ABCG4: variants seen among roughly 807,000 people sequenced by gnomAD.
The protein encoded by ABCG4 is ATP binding cassette subfamily G member 4.
Under a neutral mutation model 64.6 loss-of-function variants are expected in ABCG4, and 35 were observed. The observed-to-expected ratio is 0.54, with a 90% confidence interval of 0.41 to 0.72. The LOEUF (loss-of-function observed/expected upper bound fraction) is 0.72. ABCG4 is among the 30% of genes least tolerant of loss of function. The pLI is 0.00. For synonymous variants in ABCG4, 326 were observed against 348.2 expected, an observed-to-expected ratio of 0.94 and a Z score of 0.71; for missense variants, 610 against 846.3, an observed-to-expected ratio of 0.72 and a Z score of 3.46.
rs147243704 is a variant in ABCG4 at position 119,159,907 on chromosome 11, G to C, written c.1438-320G>C. Among the ~76,000 whole-genome samples, 91 of 152,122 alleles carry C rather than the reference G, an allele frequency of 6.0e-4. 1 individual carries two copies. The East Asian group carries it at 0.014, about 23-fold the overall frequency. On this transcript the variant is annotated intron_variant, in intron 12 of 14. Transcript: ENST00000619701. ...GGGAACAAAATGGCTCTCCTATGGAGAGTTAATTACTTAACAATATAACGA... is the reference window on the plus strand; with the variant it reads ...GGGAACAAAATGGCTCTCCTATGGACAGTTAATTACTTAACAATATAACGA...
rs1383322166 is a variant in ABCG4 at position 119,160,504 on chromosome 11, CT to C, written c.1597-33del. 11 of 1,607,528 alleles carry C rather than the reference CT, an allele frequency of 6.8e-6. No homozygotes were observed. The highest frequency in any genetic ancestry group is 1.1e-5 in the South Asian group (1 of 91,032). On this transcript the variant is annotated intron_variant, in intron 13 of 14. Transcript: ENST00000619701. The surrounding 1 kb of genome is among the most constrained non-coding windows in gnomAD (Gnocchi z 4.6). ...AAACCTGGGTTTGTCCTGGTCACCC[CT>C]ATGATGGCCTGGCCCCCTCCCTTCC... is the stretch of plus-strand genomic sequence containing the variant.
rs774866555 is a variant in ABCG4 at position 119,158,890 on chromosome 11, G to C, written c.1398G>C (p.Ala466=). 1.2e-6 allele frequency: 2 copies of C among 1,614,106 alleles called. No homozygotes were observed. Among genetic ancestry groups the C allele is most frequent in the African/African-American group, 1.3e-5 (1 of 74,930 alleles). ...TCAACTACTGGTACAGCCTCAAAGC[G>C]TATTACCTGGCCAAGACCATGGCTG... ...EHLNYWYSLK[A]YYLAKTMADV... The change falls in exon 12 of 15, where the codon GCG becomes GCC. Residue 466 remains alanine, a synonymous_variant. Coordinates refer to ENST00000619701, the MANE Select transcript of ABCG4 (RefSeq NM_022169.5). This position sits in a 1 kb window ranked among gnomAD's most constrained non-coding sequence, Gnocchi z 4.5.
chr11:119,158,784 G>A lies in ABCG4; in HGVS notation c.1337-45G>A, dbSNP rs201004594. 302 of 1,614,138 alleles carry A rather than the reference G, an allele frequency of 1.9e-4. No individual in the cohort carries two copies. Among genetic ancestry groups the A allele is most frequent in the Non-Finnish European group, 2.3e-4 (274 of 1,180,004 alleles). Reference sequence around the variant, plus strand: ...TGTGGGTGCTGGGGCTTGGGGCAGGGGCCAGGGTGTCGGCCGGGTGTGCCT... The same window carrying A: ...TGTGGGTGCTGGGGCTTGGGGCAGGAGCCAGGGTGTCGGCCGGGTGTGCCT... On this transcript the variant is annotated intron_variant, in intron 11 of 14. Transcript: ENST00000619701. This position sits in a 1 kb window ranked among gnomAD's most constrained non-coding sequence, Gnocchi z 4.5.
chr11:119,161,166 T>G lies in ABCG4; in HGVS notation c.*60T>G. The stretch of plus-strand genomic sequence containing the variant: ...CAGGAAGCCCCCAGTCCCAGCCCTT[T>G]GGGACTGTTTTAACCTTATAGACTT... On this transcript the variant is annotated 3_prime_UTR_variant, in exon 15 of 15. Coordinates refer to ENST00000619701, the MANE Select transcript of ABCG4 (RefSeq NM_022169.5). 1 of 1,512,350 alleles carries G rather than the reference T, an allele frequency of 6.6e-7. No individual in the cohort carries two copies. Among genetic ancestry groups the G allele is most frequent in the Non-Finnish European group, 9.0e-7 (1 of 1,109,154 alleles). 93.7% of individuals were successfully genotyped at this position (1,512,350 alleles called of 1,614,324 possible). A position where few individuals can be genotyped will look rare whatever the true frequency, so the allele number is the denominator to read the frequency against.
At chr11:119,159,834 G>C (rs975839783) in intron 12 of ABCG4, among the ~76,000 whole-genome samples, 1 of 152,088 alleles carries the variant, frequency 6.6e-6, no homozygotes, top group East Asian at 1.9e-4. Flanking sequence ...GTGGATGACT[G>C]TACTTAGTAA....
chr11:119,150,040 G>A lies in ABCG4; in HGVS notation c.75G>A (p.Glu25=). ...PGAVAMAVTL[E]DGAEPPVLTT... Reference sequence around the variant, plus strand: ...CTGTGGCCATGGCCGTGACGCTGGAGGACGGGGCGGAACCCCCTGTGCTGA... The same window carrying A: ...CTGTGGCCATGGCCGTGACGCTGGAAGACGGGGCGGAACCCCCTGTGCTGA... The change falls in exon 2 of 15, where the codon GAG becomes GAA. Residue 25 remains glutamate (E), a synonymous_variant. Coordinates refer to ENST00000619701, the MANE Select transcript of ABCG4 (RefSeq NM_022169.5). The surrounding 1 kb of genome is among the most constrained non-coding windows in gnomAD (Gnocchi z 4.3). 6.2e-7 allele frequency: 1 copy of A among 1,613,702 alleles called. No individual in the cohort carries two copies. The highest frequency in any genetic ancestry group is 8.5e-7 in the Non-Finnish European group (1 of 1,180,026).
chr11:119,156,732 G>T lies in ABCG4; in HGVS notation c.925+54G>T. On this transcript the variant is annotated intron_variant, in intron 8 of 14. Transcript: ENST00000619701. The surrounding 1 kb of genome is among the most constrained non-coding windows in gnomAD (Gnocchi z 5.5). ...GGAAACAGCAGTGGGCCGAACCTGGGGTCTCTGGTCTTGCACTCAGGCCTC... is the reference window on the plus strand; with the variant it reads ...GGAAACAGCAGTGGGCCGAACCTGGTGTCTCTGGTCTTGCACTCAGGCCTC... 1 of 1,603,234 alleles carries T rather than the reference G, an allele frequency of 6.2e-7. No individual in the cohort carries two copies. Among genetic ancestry groups the T allele is most frequent in the Admixed American group, 1.7e-5 (1 of 59,956 alleles).
chr11:119,155,018 G>T lies in ABCG4; in HGVS notation c.686+103G>T. The T allele has an allele frequency of 6.8e-7, 1 of 1,461,808 alleles. No homozygotes were observed. Among genetic ancestry groups the T allele is most frequent in the Admixed American group, 2.2e-5 (1 of 45,714 alleles). The allele number at this position is 1,461,808 out of a possible 1,614,324, so 90.6% of individuals were successfully genotyped here. ...CCATGATCCAGAGCCTCTGTTCACA[G>T]CCTCCTGGGGCCAAGATAAGGGCTT... On this transcript the variant is annotated intron_variant, in intron 6 of 14. Coordinates refer to ENST00000619701, the MANE Select transcript of ABCG4 (RefSeq NM_022169.5). The surrounding 1 kb of genome is among the most constrained non-coding windows in gnomAD (Gnocchi z 4.5).
intron 12 of ABCG4, among the ~76,000 whole-genome samples, chr11:119,159,588 A>G (rs911175369): frequency 1.1e-4 from 16 of 152,250 alleles, no homozygotes; most frequent in African/African-American, 3.9e-4. Flanking sequence ...TAAAGTACTT[A>G]GAATAGTGCT....
At position 119,154,410 on chromosome 11, in the gene ABCG4, A is replaced by AC. The variant is rs2135121143; in HGVS notation, c.489+22dup. On this transcript the variant is annotated intron_variant, in intron 4 of 14. Coordinates refer to ENST00000619701, the MANE Select transcript of ABCG4 (RefSeq NM_022169.5). The surrounding 1 kb of genome is among the most constrained non-coding windows in gnomAD (Gnocchi z 7.0). ...CCATGATGGTGAGGGCTGGATAGTC[A>AC]CCCCTCCTCCCAGCAACCCCCTCTG... 6.2e-7 allele frequency: 1 copy of AC among 1,613,784 alleles called. No homozygotes were observed. Among genetic ancestry groups the AC allele is most frequent in the East Asian group, 2.2e-5 (1 of 44,854 alleles).
intron 2 of ABCG4, 55 bp from the exon 3 acceptor site, chr11:119,153,971 G>A (rs1948227707): frequency 1.4e-6 from 2 of 1,476,294 alleles, no homozygotes; most frequent in Non-Finnish European, 1.9e-6. Flanking sequence ...AAGAATTTTG[G>A]GGGTACCTCT....
Position 119,154,464 on chromosome 11 carries a change from G to T in ABCG4, c.490-61G>T. 6.2e-7 allele frequency: 1 copy of T among 1,614,010 alleles called. No individual in the cohort carries two copies. The highest frequency in any genetic ancestry group is 1.7e-5 in the Admixed American group (1 of 60,016). ...GCTGTCGCCACCTTCACCATTGGCG[G>T]AGGGTTCAAGGCAGAGCTCCCTCCC... On this transcript the variant is annotated intron_variant, in intron 4 of 14. Coordinates refer to ENST00000619701, the MANE Select transcript of ABCG4 (RefSeq NM_022169.5). The surrounding 1 kb of genome is among the most constrained non-coding windows in gnomAD (Gnocchi z 7.0).
chr11:119,155,820 G>A lies in ABCG4; in HGVS notation c.687-509G>A, dbSNP rs1948257199. On this transcript the variant is annotated intron_variant, in intron 6 of 14. Transcript: ENST00000619701. The surrounding 1 kb of genome is among the most constrained non-coding windows in gnomAD (Gnocchi z 4.5). ...TTGTAATTCCCTGGTCAAGCCACAT[G>A]TTTCATGCCTCTAAGCTTTGCCCAT... 1 of 160,598 alleles carries A rather than the reference G, an allele frequency of 6.2e-6. No individual in the cohort carries two copies. Among genetic ancestry groups the A allele is most frequent in the Non-Finnish European group, 1.4e-5 (1 of 73,060 alleles). The allele number at this position is 160,598 out of a possible 1,614,324, so 9.9% of individuals were successfully genotyped here.
chr11:119,160,412 C>G lies in ABCG4; in HGVS notation c.1596+27C>G, dbSNP rs755418264. 1 of 1,603,506 alleles carries G rather than the reference C, an allele frequency of 6.2e-7. No homozygotes were observed. The highest frequency in any genetic ancestry group is 1.1e-5 in the South Asian group (1 of 90,660). On this transcript the variant is annotated intron_variant, in intron 13 of 14. Transcript: ENST00000619701. The surrounding 1 kb of genome is among the most constrained non-coding windows in gnomAD (Gnocchi z 4.6). ...TGGGAGGGCTGGCAGTTGGGAATTC[C>G]CAAGGCGGGATGAGGTCTTGTGGGA...
intron 2 of ABCG4, chr11:119,153,747 C>G: frequency 2.4e-6 from 1 of 410,418 alleles, no homozygotes; most frequent in Non-Finnish European, 4.5e-6. Flanking sequence ...GCTTTGATCC[C>G]CTCTCCACGC....
In ABCG4 at chr11:119,154,638, C is replaced by G. The variant is rs542474570; in HGVS notation, c.540+63C>G. On this transcript the variant is annotated intron_variant, in intron 5 of 14. Coordinates refer to ENST00000619701, the MANE Select transcript of ABCG4 (RefSeq NM_022169.5). This position sits in a 1 kb window ranked among gnomAD's most constrained non-coding sequence, Gnocchi z 7.0. ...TGTGGTGCTGCTGAGCTCAAGGCCCCGAGCTGGGAGTGGGAGAGTGGTGGC... is the reference window on the plus strand; with the variant it reads ...TGTGGTGCTGCTGAGCTCAAGGCCCGGAGCTGGGAGTGGGAGAGTGGTGGC... The G allele has an allele frequency of 1.2e-4, 199 of 1,602,160 alleles. 1 individual carries two copies. The highest frequency in any genetic ancestry group is 8.5e-4 in the Middle Eastern group (5 of 5,906).
intron 12 of ABCG4, among the ~76,000 whole-genome samples, chr11:119,159,224 C>T (rs1471938558): frequency 5.9e-5 from 9 of 152,218 alleles, no homozygotes; most frequent in Non-Finnish European, 1.2e-4. Flanking sequence ...CAGTGGCTTG[C>T]GCCTGTAATC....
At chr11:119,159,092 A>G (rs1041063285) in intron 12 of ABCG4, among the ~76,000 whole-genome samples, 163 bp downstream of exon 12, 7 of 152,252 alleles carry the variant, frequency 4.6e-5, no homozygotes, top group African/African-American at 1.7e-4. Flanking sequence ...GCTCTGTACC[A>G]GGCCCTAGGG....
rs1948241423 is a variant in ABCG4 at position 119,154,644 on chromosome 11, G to A, written c.540+69G>A. 6.2e-7 allele frequency: 1 copy of A among 1,600,980 alleles called. No homozygotes were observed. Among genetic ancestry groups the A allele is most frequent in the Non-Finnish European group, 8.5e-7 (1 of 1,173,860 alleles). ...GCTGCTGAGCTCAAGGCCCCGAGCT[G>A]GGAGTGGGAGAGTGGTGGCCTAGGC... On this transcript the variant is annotated intron_variant, in intron 5 of 14. Transcript: ENST00000619701. The surrounding 1 kb of genome is among the most constrained non-coding windows in gnomAD (Gnocchi z 7.0).
Sources: allele counts gnomAD v4.1 joint callset (sites outside exome capture counted in the v4.1 genomes callset), GRCh38; gene constraint gnomAD v4.1.1; non-coding constraint Gnocchi (gnomAD v3.1); transcripts MANE v1.5; gene names NCBI Gene and HGNC (gene_info 2026-07-23, HGNC 2026-07-21).